The following RPS6KC1 variants were observed in gnomAD, a reference collection of about 807,000 sequenced individuals.
RPS6KC1 encodes the protein inactive ribosomal protein S6 kinase delta-1.
RPS6KC1 carries 54 observed loss-of-function variants against 103.8 expected under a neutral mutation model. The ratio of observed to expected loss-of-function variants is 0.52; its 90% CI spans 0.42 to 0.65. RPS6KC1 has a LOEUF of 0.65. RPS6KC1 is among the 30% of genes least tolerant of loss of function. RPS6KC1 has a pLI of 0.00. For missense variants in RPS6KC1, 1,151 were observed against 1,253.8 expected (o/e 0.92, Z 1.24); for synonymous variants, 439 against 438.7 (o/e 1.00, Z -0.01).
At chr1:213,768,633 AC>A in the RPS6KC1 span, among the ~76,000 whole-genome samples, 2 of 152,316 alleles carry the variant, frequency 1.3e-5, no homozygotes, top group Admixed American at 1.3e-4. Context: ...GAGGAATGGC[AC>A]CCCCAACTCT....
chr1:213,602,142 CTT>C, the RPS6KC1 span, among the ~76,000 whole-genome samples: 4 of 64,908 alleles, frequency 6.2e-5, no homozygotes, highest in Non-Finnish European at 1.2e-4. Context: ...TTCTTTCTTT[CTT>C]TCTTTCTTTC....
At chr1:213,728,125 T>C in the RPS6KC1 span, among the ~76,000 whole-genome samples, 2 of 151,726 alleles carry the variant, frequency 1.3e-5, no homozygotes, top group Non-Finnish European at 1.5e-5. Context: ...CAGAGTGATA[T>C]GAAGCAGCGT....
At chr1:213,423,807 G>A in the RPS6KC1 span, among the ~76,000 whole-genome samples, 59 of 152,292 alleles carry the variant, frequency 3.9e-4, no homozygotes, top group Non-Finnish European at 6.2e-4. Context: ...GGGAGGCGGC[G>A]GGAGGAGGGG....
chr1:213,852,280 A>G, the RPS6KC1 span, among the ~76,000 whole-genome samples: 1 of 152,180 alleles, frequency 6.6e-6, no homozygotes, highest in Non-Finnish European at 1.5e-5. Context: ...TTCCCTTGCC[A>G]AACTTCTGCC....
intron 6 of RPS6KC1, among the ~76,000 whole-genome samples, chr1:213,163,192 TAAC>T (rs1308568311): frequency 2.0e-5 from 3 of 152,054 alleles, no homozygotes; most frequent in South Asian, 2.1e-4. Context: ...CTAAAGTTGT[TAAC>T]AACAACAACA....
At chr1:213,854,204 G>A in the RPS6KC1 span, among the ~76,000 whole-genome samples, 1 of 152,180 alleles carries the variant, frequency 6.6e-6, no homozygotes, top group Admixed American at 6.5e-5. Flanking sequence ...AACATACCAG[G>A]GGATTGCTGC....
chr1:213,662,573 C>T, the RPS6KC1 span, among the ~76,000 whole-genome samples: 4 of 152,028 alleles, frequency 2.6e-5, no homozygotes, highest in Admixed American at 6.6e-5. Context: ...CCACTGCACC[C>T]GGCCCAGAGT....
chr1:213,311,731 A>G, the RPS6KC1 span, among the ~76,000 whole-genome samples: 1 of 152,058 alleles, frequency 6.6e-6, no homozygotes. Context: ...TAGTTTTGAA[A>G]GTTTGAACAA....
At chr1:213,850,628 A>C in the RPS6KC1 span, among the ~76,000 whole-genome samples, 1 of 152,210 alleles carries the variant, frequency 6.6e-6, no homozygotes, top group Non-Finnish European at 1.5e-5. Flanking sequence ...GCTTACTAGC[A>C]TTACACTTAG....
At chr1:213,658,949 T>TTTTTC in the RPS6KC1 span, among the ~76,000 whole-genome samples, 21 of 152,136 alleles carry the variant, frequency 1.4e-4, no homozygotes, top group Non-Finnish European at 2.2e-4. Context: ...CTGATATTCT[T>TTTTTC]TTTTCTTTTC....
the RPS6KC1 span, among the ~76,000 whole-genome samples, chr1:213,656,489 C>T: frequency 6.6e-6 from 1 of 152,162 alleles, no homozygotes; most frequent in Non-Finnish European, 1.5e-5. Context: ...ACAATGGTCA[C>T]CCTTGGAATC....
chr1:213,332,461 A>G, the RPS6KC1 span, among the ~76,000 whole-genome samples: 1 of 152,258 alleles, frequency 6.6e-6, no homozygotes, highest in Non-Finnish European at 1.5e-5. Context: ...AAGAAATGCC[A>G]CAGAAGACAT....
chr1:213,827,102 T>C, the RPS6KC1 span, among the ~76,000 whole-genome samples: 1 of 152,270 alleles, frequency 6.6e-6, no homozygotes, highest in South Asian at 2.1e-4. Context: ...CTTTTGCATA[T>C]GTGTGACTGG....
chr1:213,521,919 C>T, the RPS6KC1 span, among the ~76,000 whole-genome samples: 144 of 152,304 alleles, frequency 9.5e-4, no homozygotes, highest in African/African-American at 3.2e-3. Flanking sequence ...ATGTTGGAAT[C>T]GACTTCTTCC....
At chr1:213,735,025 GC>G in the RPS6KC1 span, among the ~76,000 whole-genome samples, 6 of 152,194 alleles carry the variant, frequency 3.9e-5, no homozygotes, top group Non-Finnish European at 8.8e-5. Context: ...CTGGGTTCAC[GC>G]CATTCTTCTG....
intron 6 of RPS6KC1, among the ~76,000 whole-genome samples, chr1:213,159,353 C>CT (rs1224708832): frequency 1.3e-5 from 2 of 152,124 alleles, no homozygotes; most frequent in Admixed American, 1.3e-4. Flanking sequence ...GAAAAGAGAG[C>CT]CACTTTCCTG....
the RPS6KC1 span, among the ~76,000 whole-genome samples, chr1:213,432,349 C>T: frequency 6.6e-6 from 1 of 152,094 alleles, no homozygotes; most frequent in African/African-American, 2.4e-5. Flanking sequence ...GTTAAAGAAA[C>T]AGTTACTTAT....
chr1:213,389,504 G>A, the RPS6KC1 span, among the ~76,000 whole-genome samples: 1 of 152,168 alleles, frequency 6.6e-6, no homozygotes, highest in Non-Finnish European at 1.5e-5. Flanking sequence ...CAAGAGGCTC[G>A]CGTGCACATG....
intron 8 of RPS6KC1, among the ~76,000 whole-genome samples, chr1:213,222,553 G>T (rs2093862013): frequency 6.6e-6 from 1 of 152,018 alleles, no homozygotes; most frequent in Admixed American, 6.6e-5. Context: ...GGAGTTGCTG[G>T]GCAATGGTAC....
Sources: allele counts gnomAD v4.1 joint callset (sites outside exome capture counted in the v4.1 genomes callset), GRCh38; gene constraint gnomAD v4.1.1; transcripts MANE v1.5; gene names NCBI Gene and HGNC (gene_info 2026-07-23, HGNC 2026-07-21).